Variants in NHSL1 observed in about 807,000 individuals in gnomAD.
NHSL1 encodes the protein NHS like 1.
In NHSL1, 48 loss-of-function variants were observed where a neutral mutation model predicts 95.0. The observed-to-expected ratio is 0.51, with a 90% CI of 0.40 to 0.64. The LOEUF is 0.64. NHSL1 is among the 30% of genes least tolerant of loss of function. The pLI is 0.00. For missense variants in NHSL1, 1,971 were observed against 2,077.7 expected, an observed-to-expected ratio of 0.95 and a Z score of 1.00; for synonymous variants, 783 against 833.9, an observed-to-expected ratio of 0.94 and a Z score of 1.05.
chr6:138,545,915 T>C (rs1228927338), upstream of NHSL1: 1 of 800,962 alleles, frequency 1.2e-6, no homozygotes, highest in Non-Finnish European at 1.5e-6. Flanking sequence ...TCACCGTTCA[T>C]ATAGTCCAGT....
At chr6:138,524,903 T>C (rs539965933) in intron 1 of NHSL1, among the ~76,000 whole-genome samples, 1 of 152,326 alleles carries the variant, frequency 6.6e-6, no homozygotes, top group South Asian at 2.1e-4. Flanking sequence ...TTTAAAAGAA[T>C]ACTTAAAAAT....
At chr6:138,467,230 G>C (rs948740416) in intron 3 of NHSL1, among the ~76,000 whole-genome samples, 4 of 151,748 alleles carry the variant, frequency 2.6e-5, no homozygotes, top group African/African-American at 9.7e-5. Context: ...TCGGCTCACT[G>C]CCGGCTCCGC....
chr6:138,563,678 T>A (rs1783496853), intron 1 of NHSL1, among the ~76,000 whole-genome samples: 1 of 152,194 alleles, frequency 6.6e-6, no homozygotes, highest in Admixed American at 6.5e-5. Context: ...ATAGGTATTA[T>A]CCCATTTTAC....
intron 1 of NHSL1, among the ~76,000 whole-genome samples, chr6:138,509,419 C>T: frequency 6.6e-6 from 1 of 152,154 alleles, no homozygotes; most frequent in East Asian, 1.9e-4. Context: ...TGGATAATAT[C>T]AAGAACCTGT....
chr6:138,663,267 T>C (rs1387061094), intron 1 of NHSL1, among the ~76,000 whole-genome samples: 2 of 152,028 alleles, frequency 1.3e-5, no homozygotes, highest in Non-Finnish European at 2.9e-5. Context: ...TCTGTGTATA[T>C]TAAAAATTCT....
intron 1 of NHSL1, among the ~76,000 whole-genome samples, chr6:138,610,553 ATATATAT>A (rs142472846): frequency 1.8e-4 from 20 of 113,454 alleles, no homozygotes; most frequent in South Asian, 1.3e-3. Flanking sequence ...AAAAAAATAT[ATATATAT>A]TATATATATA....
intron 1 of NHSL1, among the ~76,000 whole-genome samples, chr6:138,644,854 T>C (rs908380085): frequency 6.6e-6 from 1 of 152,232 alleles, no homozygotes; most frequent in African/African-American, 2.4e-5. Context: ...TTAATATTGG[T>C]AGAATACTTA....
At chr6:138,486,590 C>T (rs1779745432) in intron 2 of NHSL1, among the ~76,000 whole-genome samples, 1 of 152,252 alleles carries the variant, frequency 6.6e-6, no homozygotes, top group Middle Eastern at 3.4e-3. Context: ...TCAACCGCCC[C>T]CCTCCTCACC....
intron 5 of NHSL1, among the ~76,000 whole-genome samples, chr6:138,436,815 C>T (rs1021298818): frequency 6.6e-6 from 1 of 152,162 alleles, no homozygotes; most frequent in South Asian, 2.1e-4. Context: ...TCTGAAAATC[C>T]TGGAGTCCTT....
chr6:138,442,793 T>C lies in NHSL1; in HGVS notation c.533-679A>G, dbSNP rs745819700. Among the ~76,000 whole-genome samples the C allele has an allele frequency of 6.6e-5, 10 of 152,206 alleles. No individual in the cohort carries two copies. In the South Asian group the frequency reaches 8.3e-4, roughly 13 times the overall value. ...TTAAAGTTGATCTTAATTCAGACATTTCAAGTGATTTTGCAATCAAACCTG... is the reference window on the plus strand; with the variant it reads ...TTAAAGTTGATCTTAATTCAGACATCTCAAGTGATTTTGCAATCAAACCTG... On this transcript the variant is annotated intron_variant, in intron 4 of 7. Coordinates refer to ENST00000343505, the MANE Select transcript of NHSL1 (RefSeq NM_001144060.2).
intron 3 of NHSL1, among the ~76,000 whole-genome samples, chr6:138,462,846 G>A (rs957863532): frequency 2.0e-5 from 3 of 152,188 alleles, no homozygotes; most frequent in African/African-American, 7.2e-5. Flanking sequence ...CCAGGAAAGT[G>A]GCAGAAGAAG....
In NHSL1 at chr6:138,433,480, C is replaced by A. The variant is rs988243918; in HGVS notation, c.865G>T (p.Ala289Ser). The change falls in exon 6 of 8, where the codon GCC becomes TCC. Residue 289 changes from alanine (A) to serine (S), a missense_variant. This residue lies in a region of NHSL1 where 1,602 missense variants were observed against 1,654.5 expected (regional missense o/e 0.97). Coordinates refer to ENST00000343505, the MANE Select transcript of NHSL1 (RefSeq NM_001144060.2). ...GAACCTGAGAAGTGGCCCATCTGGG[C>A]AGCAATGCCTTGCCCCTTCTGTGCC... ...IRAQKGQGIA[A>S]QMGHFSGSSG... The A allele has an allele frequency of 1.9e-5, 29 of 1,552,044 alleles. No homozygotes were observed. Among genetic ancestry groups the A allele is most frequent in the Non-Finnish European group, 2.4e-5 (28 of 1,147,108 alleles).
intron 1 of NHSL1, among the ~76,000 whole-genome samples, chr6:138,597,699 C>T (rs1018693747): frequency 6.6e-6 from 1 of 152,098 alleles, no homozygotes; most frequent in Non-Finnish European, 1.5e-5. Flanking sequence ...TTCCATCTTC[C>T]AGTAAGTACA....
chr6:138,430,548 C>A lies in NHSL1; in HGVS notation c.3797G>T (p.Gly1266Val). The change falls in exon 6 of 8, where the codon GGA becomes GTA. Residue 1266 changes from glycine (G) to valine (V), a missense_variant. By Grantham distance (109) the Gly-to-Val change is moderately radical. Around this residue, in one of 3 missense-constraint regions of NHSL1, gnomAD observed 1,602 missense variants for 1,654.5 expected, o/e 0.97. Transcript: ENST00000343505. This position sits in a 1 kb window ranked among gnomAD's most constrained non-coding sequence, Gnocchi z 4.7. ...THPGTSVLEG[G>V]AAGSMSPSRV... ...GCTGGGAGACATGGATCCTGCAGCT[C>A]CTCCCTCAAGAACCGAGGTGCCAGG... 6.4e-7 allele frequency: 1 copy of A among 1,551,212 alleles called. No homozygotes were observed. The highest frequency in any genetic ancestry group is 8.7e-7 in the Non-Finnish European group (1 of 1,146,666).
At chr6:138,673,019 CTAGATAGATAGGTAGA>C (rs1266613261) in intron 1 of NHSL1, among the ~76,000 whole-genome samples, 245 of 111,706 alleles carry the variant, frequency 2.2e-3, no homozygotes, top group African/African-American at 7.0e-3. Context: ...TCATAGATAG[CTAGATAGATAGGTAGA>C]TAGATAGATA....
intron 1 of NHSL1, among the ~76,000 whole-genome samples, chr6:138,657,344 T>G (rs978452684): frequency 8.5e-5 from 13 of 152,190 alleles, no homozygotes; most frequent in Non-Finnish European, 1.6e-4. Context: ...ACATTTATAT[T>G]TCATTTCTCA....
At chr6:138,555,220 C>T (rs564152206) in intron 1 of NHSL1, among the ~76,000 whole-genome samples, 27 of 152,286 alleles carry the variant, frequency 1.8e-4, no homozygotes, top group African/African-American at 6.3e-4. Flanking sequence ...CTCTCTCTTT[C>T]TCTTTCTCTC....
upstream of NHSL1, among the ~76,000 whole-genome samples, chr6:138,574,331 G>A (rs909411563): frequency 6.6e-6 from 1 of 152,034 alleles, no homozygotes; most frequent in African/African-American, 2.4e-5. Flanking sequence ...CACTTTTTGA[G>A]AGTCTCAAAA....
At chr6:138,646,170 C>A (rs569408718) in intron 1 of NHSL1, among the ~76,000 whole-genome samples, 1 of 152,274 alleles carries the variant, frequency 6.6e-6, no homozygotes, top group South Asian at 2.1e-4. Flanking sequence ...ATTCCAGAAA[C>A]ATCTTAACAT....
Sources: allele counts gnomAD v4.1 joint callset (sites outside exome capture counted in the v4.1 genomes callset), GRCh38; gene constraint gnomAD v4.1.1; regional missense constraint gnomAD v4.1.1; non-coding constraint Gnocchi (gnomAD v3.1); transcripts MANE v1.5; gene names NCBI Gene and HGNC (gene_info 2026-07-23, HGNC 2026-07-21).